Variants in KCNIP1 observed in about 807,000 individuals in gnomAD.
KCNIP1 encodes potassium voltage-gated channel interacting protein 1, also known as A-type potassium channel modulatory protein KCNIP1.
KCNIP1 carries 18 observed loss-of-function variants against 33.0 expected under a neutral mutation model. The ratio of observed to expected loss-of-function variants is 0.55; its 90% CI spans 0.38 to 0.81. The LOEUF (loss-of-function observed/expected upper bound fraction) is 0.81, where lower values mean the gene tolerates loss of function less well. KCNIP1 is among the 30% of genes least tolerant of loss of function. The pLI is 0.00. For missense variants in KCNIP1, 238 were observed against 271.6 expected (o/e 0.88, Z 0.87); for synonymous variants, 93 against 98.3 (o/e 0.95, Z 0.32).
intron 1 of KCNIP1, among the ~76,000 whole-genome samples, chr5:170,563,188 T>G (rs1156954096): frequency 6.6e-6 from 1 of 152,202 alleles, no homozygotes; most frequent in African/African-American, 2.4e-5. Context: ...CTATTTCACT[T>G]ACTGATTTGG....
intron 1 of KCNIP1, among the ~76,000 whole-genome samples, chr5:170,520,054 G>C (rs1357134072): frequency 1.3e-5 from 2 of 152,152 alleles, no homozygotes; most frequent in Non-Finnish European, 2.9e-5. Flanking sequence ...ACCACCCTGC[G>C]ACTCTACGTG....
intron 1 of KCNIP1, among the ~76,000 whole-genome samples, chr5:170,672,980 T>A (rs1761981540): frequency 6.6e-6 from 1 of 152,248 alleles, no homozygotes; most frequent in African/African-American, 2.4e-5. Context: ...AATCACCATT[T>A]TCATGCAGTC....
At chr5:170,563,033 C>T (rs1037379533) in intron 1 of KCNIP1, among the ~76,000 whole-genome samples, 3 of 152,256 alleles carry the variant, frequency 2.0e-5, no homozygotes, top group African/African-American at 4.8e-5. Flanking sequence ...CACCCACACA[C>T]AGATCTAGTT....
At chr5:170,440,249 T>A (rs1287989721) in intron 1 of KCNIP1, among the ~76,000 whole-genome samples, 1 of 152,192 alleles carries the variant, frequency 6.6e-6, no homozygotes, top group African/African-American at 2.4e-5. Flanking sequence ...AGAAAATGAA[T>A]TTTTGTTTAA....
intron 1 of KCNIP1, among the ~76,000 whole-genome samples, chr5:170,451,379 C>A (rs1756245694): frequency 6.6e-6 from 1 of 151,952 alleles, no homozygotes; most frequent in Admixed American, 6.6e-5. Context: ...TTGAACCCTC[C>A]CTAGTCACTT....
intron 1 of KCNIP1, among the ~76,000 whole-genome samples, chr5:170,439,437 G>A (rs1755937416): frequency 6.6e-6 from 1 of 151,940 alleles, no homozygotes; most frequent in Admixed American, 6.5e-5. Flanking sequence ...GGCCACTGCA[G>A]CTCTCTCCTG....
At chr5:170,654,306 C>T (rs1761173620) in intron 1 of KCNIP1, among the ~76,000 whole-genome samples, 2 of 152,208 alleles carry the variant, frequency 1.3e-5, no homozygotes, top group South Asian at 2.1e-4. Context: ...CACTGTGCTT[C>T]AGGGCCATGG....
intron 1 of KCNIP1, among the ~76,000 whole-genome samples, chr5:170,577,775 A>T (rs868235929): frequency 6.6e-6 from 1 of 152,254 alleles, no homozygotes; most frequent in African/African-American, 2.4e-5. Context: ...GAGCACATTT[A>T]TAAGAACAAA....
At chr5:170,444,440 C>G (rs1360030929) in intron 1 of KCNIP1, among the ~76,000 whole-genome samples, 1 of 152,182 alleles carries the variant, frequency 6.6e-6, no homozygotes, top group Non-Finnish European at 1.5e-5. Flanking sequence ...CCCAGATAAC[C>G]CGGGGTAATC....
At chr5:170,406,253 A>C (rs959777003) in intron 1 of KCNIP1, among the ~76,000 whole-genome samples, 1 of 152,184 alleles carries the variant, frequency 6.6e-6, no homozygotes, top group Non-Finnish European at 1.5e-5. Context: ...AAAATCACGG[A>C]TCCGTGGGTC....
chr5:170,395,997 A>T (rs572258678), intron 1 of KCNIP1, among the ~76,000 whole-genome samples: 1 of 152,228 alleles, frequency 6.6e-6, no homozygotes, highest in Non-Finnish European at 1.5e-5. Flanking sequence ...GTGTTCAACC[A>T]TCAGGAGCTG....
chr5:170,427,724 C>T (rs1755645531), intron 1 of KCNIP1, among the ~76,000 whole-genome samples: 1 of 152,212 alleles, frequency 6.6e-6, no homozygotes, highest in South Asian at 2.1e-4. Flanking sequence ...CTGCCACCTC[C>T]TCCACTTCCT....
At chr5:170,681,839 T>C (rs1292332422) in intron 1 of KCNIP1, among the ~76,000 whole-genome samples, 1 of 152,232 alleles carries the variant, frequency 6.6e-6, no homozygotes. Flanking sequence ...ACAAAGAGTT[T>C]TATTTTTCCT....
intron 1 of KCNIP1, among the ~76,000 whole-genome samples, chr5:170,700,377 G>A (rs892090126): frequency 1.3e-5 from 2 of 152,024 alleles, no homozygotes; most frequent in Non-Finnish European, 2.9e-5. Flanking sequence ...TTCCAGCCTG[G>A]GAAACAGTGA....
At chr5:170,623,513 G>A (rs1276426933) in intron 1 of KCNIP1, among the ~76,000 whole-genome samples, 3 of 151,968 alleles carry the variant, frequency 2.0e-5, no homozygotes, top group Non-Finnish European at 2.9e-5. Context: ...CGACCTGCCC[G>A]GGGACCCCTG....
At chr5:170,615,212 CTCAAAAA>C (rs1419504144) in intron 1 of KCNIP1, among the ~76,000 whole-genome samples, 1 of 152,116 alleles carries the variant, frequency 6.6e-6, no homozygotes, top group African/African-American at 2.4e-5. Context: ...GGGATTCCAT[CTCAAAAA>C]TCAAAAAACA....
chr5:170,713,481 C>A (rs892107230), intron 1 of KCNIP1, among the ~76,000 whole-genome samples: 2 of 152,186 alleles, frequency 1.3e-5, no homozygotes, highest in African/African-American at 4.8e-5. Flanking sequence ...ATCCTAGAGG[C>A]TGTGGCTGCC....
At position 170,427,797 on chromosome 5, in the gene KCNIP1, G is replaced by C. The variant is rs139255390; in HGVS notation, c.88+73833G>C. On this transcript the variant is annotated intron_variant, in intron 1 of 7. Transcript: ENST00000377360. ...AAGGAAAGTGTGCTGCCAGGCAGCT[G>C]GAGCCAGATGGCCCAGAGACAACTC... Among the ~76,000 whole-genome samples, 58 of 152,308 alleles carry C rather than the reference G, an allele frequency of 3.8e-4. 2 individuals carry two copies. The East Asian group carries it at 8.9e-3, about 23-fold the overall frequency.
chr5:170,597,358 C>T (rs571649970), intron 1 of KCNIP1, among the ~76,000 whole-genome samples: 3 of 152,276 alleles, frequency 2.0e-5, no homozygotes, highest in African/African-American at 7.2e-5. Flanking sequence ...CAGGCTGAGT[C>T]AGTCATCCCA....
Sources: allele counts gnomAD v4.1 joint callset (sites outside exome capture counted in the v4.1 genomes callset), GRCh38; gene constraint gnomAD v4.1.1; transcripts MANE v1.5; gene names NCBI Gene and HGNC (gene_info 2026-07-23, HGNC 2026-07-21).